Variants in KCNN2 observed in about 807,000 individuals in gnomAD.
KCNN2 encodes small conductance calcium-activated potassium channel protein 2.
Under a neutral mutation model 55.5 loss-of-function variants are expected in KCNN2, and 24 were observed. The ratio of observed to expected loss-of-function variants is 0.43; its 90% CI spans 0.31 to 0.61. KCNN2 has a LOEUF of 0.61. KCNN2 is among the 20% of genes least tolerant of loss of function. The pLI, the probability that KCNN2 is intolerant of heterozygous loss-of-function variation, is 0.08. For missense variants in KCNN2, 754 were observed against 853.6 expected (o/e 0.88, Z 1.45); for synonymous variants, 431 against 336.1 (o/e 1.28, Z -3.09).
chr5:114,189,133 AGTG>A (rs1753397363), intron 1 of KCNN2, among the ~76,000 whole-genome samples: 1 of 149,896 alleles, frequency 6.7e-6, no homozygotes, highest in Non-Finnish European at 1.5e-5. Flanking sequence ...TAGAACCAAT[AGTG>A]TGTGTGTGTG....
intron 2 of KCNN2, among the ~76,000 whole-genome samples, chr5:114,285,917 CTTT>C (rs5870595): frequency 1.8e-3 from 236 of 134,714 alleles, no homozygotes; most frequent in East Asian, 6.1e-3. Context: ...ATTTGGGAAG[CTTT>C]TTTTTTTTTT....
chr5:114,493,283 A>G, intron 6 of KCNN2, 120 bp from the exon 7 acceptor site: 1 of 763,978 alleles, frequency 1.3e-6, no homozygotes, highest in Non-Finnish European at 2.4e-6. Flanking sequence ...CTTACCCCAA[A>G]TGTTCAAGGC....
intron 1 of KCNN2, among the ~76,000 whole-genome samples, chr5:114,061,143 G>T (rs1195728205): frequency 6.6e-6 from 1 of 152,184 alleles, no homozygotes; most frequent in Non-Finnish European, 1.5e-5. Context: ...TGCAAATGGG[G>T]ATGCAGTGAT....
chr5:114,319,451 C>T (rs1275477070), intron 2 of KCNN2, among the ~76,000 whole-genome samples: 1 of 152,178 alleles, frequency 6.6e-6, no homozygotes, highest in Non-Finnish European at 1.5e-5. Flanking sequence ...GGAAATTCAT[C>T]ATAGAAATGA....
rs538712586 is a variant in KCNN2, at chr5:114,259,003, A to C, written c.-185+37438A>C. ...AGCCATCCTCCAGCATACCTGTGCC[A>C]ATTTCCTGTGGTAGCCACTATGGTT... On this transcript the variant is annotated intron_variant, in intron 2 of 10. Transcript: ENST00000512097. 2.0e-5 allele frequency among the ~76,000 whole-genome samples: 3 copies of C among 152,272 alleles called. No homozygotes were observed. The South Asian group carries it at 6.2e-4, about 32-fold the overall frequency.
intron 1 of KCNN2, among the ~76,000 whole-genome samples, chr5:114,084,598 T>C (rs1010367507): frequency 6.6e-6 from 1 of 152,016 alleles, no homozygotes; most frequent in African/African-American, 2.4e-5. Flanking sequence ...TTGTAAATAT[T>C]TTTCCCAATG....
chr5:114,305,499 C>A (rs1414057283), intron 2 of KCNN2, among the ~76,000 whole-genome samples: 1 of 152,116 alleles, frequency 6.6e-6, no homozygotes, highest in Non-Finnish European at 1.5e-5. Flanking sequence ...GGAGTCAGGG[C>A]ATCAGGAGCT....
At position 114,235,181 on chromosome 5, in the gene KCNN2, C is replaced by T. The variant is rs571757307; in HGVS notation, c.-185+13616C>T. On this transcript the variant is annotated intron_variant, in intron 2 of 10. Transcript: ENST00000512097. ...TCTCTTTCATAAACACATGATTAAC[C>T]TAACTACCATTTGAGGCAAAGTAGC... 1.7e-4 allele frequency among the ~76,000 whole-genome samples: 26 copies of T among 152,244 alleles called. No homozygotes were observed. The South Asian group carries it at 5.2e-3, about 30-fold the overall frequency.
rs1370055387 is a variant in KCNN2, at chr5:114,496,179, C to G, written c.2373C>G (p.Ser791Arg). The change falls in exon 8 of 8, where the codon AGC becomes AGG. Residue 791 changes from serine to arginine, a missense_variant. Transcript: ENST00000673685. ...CACCACCAACTTCATCAGAGAGTAG[C>G]TAGAAGAGAATAAGTTAACCACAAA... ...STAPPTSSES[S>R] The G allele has an allele frequency of 6.2e-7, 1 of 1,613,064 alleles. No homozygotes were observed. Among genetic ancestry groups the G allele is most frequent in the Non-Finnish European group, 8.5e-7 (1 of 1,179,504 alleles).
At chr5:114,057,275 G>T (rs905822602) in intron 1 of KCNN2, 4 of 152,152 alleles carry the variant, frequency 2.6e-5, no homozygotes, top group Non-Finnish European at 5.9e-5. Flanking sequence ...TGTGTTTGTG[G>T]TATTGTTCTA....
chr5:114,244,309 T>A (rs1754707305), intron 2 of KCNN2, among the ~76,000 whole-genome samples: 1 of 144,190 alleles, frequency 6.9e-6, no homozygotes, highest in African/African-American at 2.6e-5. Flanking sequence ...TTTGCTTGTT[T>A]ATTTAAAAAA....
chr5:114,463,270 A>G (rs1761292417), intron 4 of KCNN2, 80 bp downstream of exon 4: 2 of 1,071,236 alleles, frequency 1.9e-6, no homozygotes, highest in Non-Finnish European at 2.7e-6. Context: ...TGCATAAGTA[A>G]TTGTGAGCTA....
At chr5:114,420,548 A>G (rs1759442264) in intron 3 of KCNN2, among the ~76,000 whole-genome samples, 1 of 152,212 alleles carries the variant, frequency 6.6e-6, no homozygotes, top group South Asian at 2.1e-4. Context: ...AGTCTCTACT[A>G]AGACCTCTTA....
In KCNN2 at chr5:114,138,144, A is replaced by G. The variant is rs1237586008; in HGVS notation, c.-271+81644A>G. Among the ~76,000 whole-genome samples, 5 of 152,154 alleles carry G rather than the reference A, an allele frequency of 3.3e-5. No individual in the cohort carries two copies. In the South Asian group the frequency reaches 1.0e-3, roughly 31 times the overall value. ...TTTATTGTAAAAAACAAACAAACAA[A>G]AAAACCCACAACACATTGACAGTGA... On this transcript the variant is annotated intron_variant, in intron 1 of 10. Transcript: ENST00000512097.
intron 2 of KCNN2, among the ~76,000 whole-genome samples, chr5:114,333,388 T>C (rs1286554249): frequency 3.3e-5 from 5 of 152,204 alleles, no homozygotes; most frequent in Non-Finnish European, 7.3e-5. Flanking sequence ...ATTGTTTATA[T>C]TGAAGGTTAT....
chr5:114,155,831 G>A (rs918100841), intron 1 of KCNN2, among the ~76,000 whole-genome samples: 3 of 152,172 alleles, frequency 2.0e-5, no homozygotes, highest in African/African-American at 4.8e-5. Flanking sequence ...CCTGTAGGTT[G>A]TCTGTTCACT....
chr5:114,404,734 G>C lies in KCNN2; in HGVS notation c.1515G>C (p.Lys505Asn), dbSNP rs1468465356. 1 of 1,613,974 alleles carries C rather than the reference G, an allele frequency of 6.2e-7. No homozygotes were observed. The highest frequency in any genetic ancestry group is 1.1e-5 in the South Asian group (1 of 91,074). Reference sequence around the variant, plus strand: ...CTAGAAGCATTGGAGCACTTAATAAGATAAACTTCAATACACGTTTTGTTA... The same window carrying C: ...CTAGAAGCATTGGAGCACTTAATAACATAAACTTCAATACACGTTTTGTTA... ...ASSRSIGALN[K>N]INFNTRFVMK... The change falls in exon 3 of 8, where the codon AAG becomes AAC. Residue 505 changes from lysine (K) to asparagine (N), a missense_variant. Physicochemically the swap from Lys to Asn is moderately conservative, Grantham distance 94. This residue lies in a region of KCNN2 where 86 missense variants were observed against 233.0 expected (regional missense o/e 0.37). Transcript: ENST00000673685.
At chr5:114,270,681 A>G (rs969066978) in intron 2 of KCNN2, among the ~76,000 whole-genome samples, 5 of 152,184 alleles carry the variant, frequency 3.3e-5, no homozygotes, top group African/African-American at 1.2e-4. Context: ...TTTATGCTTG[A>G]TAGACCTGAG....
chr5:114,098,302 G>A (rs1272188826), intron 1 of KCNN2, among the ~76,000 whole-genome samples: 4 of 151,942 alleles, frequency 2.6e-5, no homozygotes, highest in African/African-American at 9.7e-5. Context: ...ATTAGGACTT[G>A]GATTCTTTAG....
Sources: allele counts gnomAD v4.1 joint callset (sites outside exome capture counted in the v4.1 genomes callset), GRCh38; gene constraint gnomAD v4.1.1; regional missense constraint gnomAD v4.1.1; transcripts MANE v1.5; gene names NCBI Gene and HGNC (gene_info 2026-07-23, HGNC 2026-07-21).